The following PRSS55 variants were observed in gnomAD, a reference collection of about 807,000 sequenced individuals.
The protein encoded by PRSS55 is probable serine protease UNQ9391/PRO34284.
A neutral mutation model predicts 23.6 loss-of-function variants in PRSS55; 41 were observed. That is an observed-to-expected ratio of 1.74 (90% CI 1.35 to 2.26). PRSS55 has a LOEUF of 2.26. PRSS55 is among the 30% of genes most tolerant of loss of function. The pLI is 0.00. For missense variants in PRSS55, 669 were observed against 439.1 expected (o/e 1.52, Z -4.68); for synonymous variants, 262 against 175.5 (o/e 1.49, Z -3.90).
intron 4 of PRSS55, chr8:10,547,717 T>A (rs1451084769): frequency 7.2e-6 from 1 of 138,090 alleles, no homozygotes; most frequent in East Asian, 2.2e-4. Flanking sequence ...TTCCTCCCTC[T>A]CCCCTTCCCC....
At chr8:10,533,617 T>C (rs1008179962) in intron 4 of PRSS55, among the ~76,000 whole-genome samples, 1 of 151,902 alleles carries the variant, frequency 6.6e-6, no homozygotes. Context: ...GCCAGAAAAA[T>C]AGAAAAAAAA....
At position 10,529,712 on chromosome 8, in the gene PRSS55, G is replaced by C; in HGVS notation, c.347+13G>C. Reference sequence around the variant, plus strand: ...CCGAGGAGCTGTTGTAAGTACCATGGGCCTCCCACTGCCACCTCTCAGGGC... The same window carrying C: ...CCGAGGAGCTGTTGTAAGTACCATGCGCCTCCCACTGCCACCTCTCAGGGC... On this transcript the variant is annotated intron_variant, in intron 2 of 4. Transcript: ENST00000328655. The C allele has an allele frequency of 6.2e-7, 1 of 1,604,268 alleles. No homozygotes were observed. The highest frequency in any genetic ancestry group is 1.1e-5 in the South Asian group (1 of 90,254).
At chr8:10,543,511 G>A (rs1386455890), downstream of PRSS55, among the ~76,000 whole-genome samples, 2 of 123,874 alleles carry the variant, frequency 1.6e-5, no homozygotes, top group Non-Finnish European at 3.3e-5. Context: ...TCTTCACTCT[G>A]TCGCCCAGGC....
downstream of PRSS55, among the ~76,000 whole-genome samples, chr8:10,539,112 G>T (rs1192939824): frequency 1.1e-4 from 17 of 151,942 alleles, 1 homozygote; most frequent in African/African-American, 3.6e-4. Flanking sequence ...TTCAGGCGTG[G>T]CTGAGTCCAG....
intron 4 of PRSS55, among the ~76,000 whole-genome samples, chr8:10,548,163 C>G (rs1252650064): frequency 6.6e-6 from 1 of 152,078 alleles, no homozygotes; most frequent in African/African-American, 2.4e-5. Flanking sequence ...GGAGCTGGGG[C>G]GGGCTTTGGA....
At chr8:10,553,998 C>T (rs182146407) in exon 5 of PRSS55, 37 of 1,532,000 alleles carry the variant, frequency 2.4e-5, no homozygotes, top group South Asian at 1.1e-4. Context: ...CAAACAAAGC[C>T]GCCTGGGTCT....
chr8:10,529,271 G>C (rs1812154975), intron 1 of PRSS55: 1 of 577,560 alleles, frequency 1.7e-6, no homozygotes, highest in South Asian at 2.0e-5. Context: ...GCTGGATAGA[G>C]TCAGAGCCAA....
At chr8:10,542,323 C>G (rs1466297017), downstream of PRSS55, among the ~76,000 whole-genome samples, 1 of 149,070 alleles carries the variant, frequency 6.7e-6, no homozygotes, top group African/African-American at 2.5e-5. Context: ...GTCTGTTGGA[C>G]ATGGAGTTGA....
At position 10,532,989 on chromosome 8, in the gene PRSS55, A is replaced by G. The variant is rs1812325410; in HGVS notation, c.682A>G (p.Lys228Glu). The change falls in exon 4 of 5, where the codon AAA (lysine) becomes GAA (glutamate). Residue 228 changes from lysine to glutamate, a missense_variant. Coordinates refer to ENST00000328655, the MANE Select transcript of PRSS55 (RefSeq NM_198464.4). ...GGAGGAGTGTTCAAAGATGTTTCCA[A>G]AACTTACCAAAAATATGCTGTGTGC... ...DWEECSKMFP[K>E]LTKNMLCAGY... is the part of the protein sequence containing the mutation. 1 of 1,614,202 alleles carries G rather than the reference A, an allele frequency of 6.2e-7. No individual in the cohort carries two copies. Among genetic ancestry groups the G allele is most frequent in the Non-Finnish European group, 8.5e-7 (1 of 1,180,038 alleles).
intron 4 of PRSS55, among the ~76,000 whole-genome samples, chr8:10,534,056 GT>G (rs1243115717): frequency 6.6e-6 from 1 of 152,078 alleles, no homozygotes; most frequent in Non-Finnish European, 1.5e-5. Flanking sequence ...GGTGAATACT[GT>G]GGGGACCAAA....
intron 4 of PRSS55, among the ~76,000 whole-genome samples, chr8:10,536,821 A>G (rs1346903887): frequency 6.6e-6 from 1 of 152,228 alleles, no homozygotes; most frequent in South Asian, 2.1e-4. Context: ...TGTTGAATAC[A>G]CATGGACACA....
chr8:10,551,945 A>C (rs755561319), intron 4 of PRSS55, among the ~76,000 whole-genome samples: 1 of 152,258 alleles, frequency 6.6e-6, no homozygotes, highest in East Asian at 1.9e-4. Flanking sequence ...GAGGCAGTTA[A>C]ACGACAGAAA....
chr8:10,533,131 A>T, intron 4 of PRSS55, 83 bp downstream of exon 4: 2 of 1,427,814 alleles, frequency 1.4e-6, no homozygotes, highest in Non-Finnish European at 9.7e-7. Flanking sequence ...TCTCTGCTGC[A>T]AATAGACAAT....
At chr8:10,536,813 T>C (rs1272654626) in intron 4 of PRSS55, among the ~76,000 whole-genome samples, 2 of 152,210 alleles carry the variant, frequency 1.3e-5, no homozygotes, top group Non-Finnish European at 2.9e-5. Flanking sequence ...GAACTAAATG[T>C]TGAATACACA....
Position 10,529,544 on chromosome 8 carries a change from G to C in PRSS55, c.192G>C (p.Arg64=), listed in dbSNP as rs775555215. 1.2e-6 allele frequency: 2 copies of C among 1,614,214 alleles called. No individual in the cohort carries two copies. The highest frequency in any genetic ancestry group is 2.2e-5 in the East Asian group (1 of 44,886). Reference sequence around the variant, plus strand: ...GATCTATTTTCGAGGGAAGAACTCGGTATTCCAGAATCACAGGGGGGATGG... The same window carrying C: ...GATCTATTTTCGAGGGAAGAACTCGCTATTCCAGAATCACAGGGGGGATGG... ...GDRSIFEGRT[R]YSRITGGMEA... Residue 64 remains arginine, a synonymous_variant, in exon 2 of 5, where the codon CGG becomes CGC. Coordinates refer to ENST00000328655, the MANE Select transcript of PRSS55 (RefSeq NM_198464.4).
chr8:10,554,012 A>G, exon 5 of PRSS55: 1 of 1,530,576 alleles, frequency 6.5e-7, no homozygotes, highest in Non-Finnish European at 8.7e-7. Flanking sequence ...TGGGTCTCAC[A>G]CCTTTCATCT....
chr8:10,537,538 G>A (rs1812498862), intron 4 of PRSS55, among the ~76,000 whole-genome samples: 1 of 151,728 alleles, frequency 6.6e-6, no homozygotes, highest in South Asian at 2.1e-4. Flanking sequence ...GTATTTGGTA[G>A]CACAATAAAG....
intron 1 of PRSS55, among the ~76,000 whole-genome samples, chr8:10,526,094 C>A (rs1374954408): frequency 6.6e-6 from 1 of 152,176 alleles, no homozygotes; most frequent in Non-Finnish European, 1.5e-5. Context: ...CCCAGGGATG[C>A]CTAGCTCAGT....
chr8:10,528,092 T>TGAGGCAG (rs1812101858), intron 1 of PRSS55, among the ~76,000 whole-genome samples: 2 of 151,018 alleles, frequency 1.3e-5, no homozygotes, highest in South Asian at 2.1e-4. Flanking sequence ...CTTGGGAAGC[T>TGAGGCAG]GAGGCAGGAG....
Sources: gnomAD v4.1 joint callset for allele counts (sites outside exome capture counted in the v4.1 genomes callset) on GRCh38, gnomAD v4.1.1 for gene constraint, MANE v1.5 for transcripts, NCBI Gene and HGNC (gene_info 2026-07-23, HGNC 2026-07-21) for gene names.